The following NLRP14 variants were observed in gnomAD, a reference collection of about 807,000 sequenced individuals.
NLRP14 encodes the protein NACHT, LRR and PYD domains-containing protein 14.
NLRP14 carries 105 observed loss-of-function variants against 94.7 expected under a neutral mutation model. The observed-to-expected ratio is 1.11, with a 90% CI of 0.95 to 1.30. The LOEUF (loss-of-function observed/expected upper bound fraction) is 1.30, where lower values mean the gene tolerates loss of function less well. Among genes scored for constraint, NLRP14 ranks in the 50% most tolerant of loss-of-function variants. The probability of loss-of-function intolerance (pLI) is 0.00; values close to 1 mark genes in which losing one functional copy is unlikely to be tolerated. For missense variants in NLRP14, 1,362 were observed against 1,254.1 expected, an observed-to-expected ratio of 1.09 and a Z score of -1.30; for synonymous variants, 508 against 459.9, an observed-to-expected ratio of 1.10 and a Z score of -1.34.
the NLRP14 span, among the ~76,000 whole-genome samples, chr11:7,076,740 TG>T: frequency 1.3e-5 from 2 of 152,222 alleles, no homozygotes; most frequent in African/African-American, 2.4e-5. Context: ...TCCCATCGCT[TG>T]TCTCCCTCAT....
At chr11:7,055,283 CCT>C (rs2119667386) in intron 6 of NLRP14, among the ~76,000 whole-genome samples, 1 of 152,186 alleles carries the variant, frequency 6.6e-6, no homozygotes, top group African/African-American at 2.4e-5. Flanking sequence ...CAATATCATT[CCT>C]CTGTCACCTG....
At chr11:7,089,113 C>G in the NLRP14 span, 7 of 1,612,602 alleles carry the variant, frequency 4.3e-6, no homozygotes, top group Admixed American at 1.7e-5. Context: ...ACCGTTCGAC[C>G]GGCAAACATG....
the NLRP14 span, chr11:7,089,817 C>T: frequency 9.9e-5 from 159 of 1,607,714 alleles, no homozygotes; most frequent in Non-Finnish European, 1.3e-4. Flanking sequence ...GGGTTTTGCC[C>T]CCTCGCCCGG....
intron 9 of NLRP14, among the ~76,000 whole-genome samples, chr11:7,060,944 G>A (rs1212506410): frequency 1.3e-5 from 2 of 151,880 alleles, no homozygotes; most frequent in African/African-American, 4.8e-5. Flanking sequence ...GTATTTCATT[G>A]CATAAATACT....
At chr11:7,076,444 T>C (rs1036114346), downstream of NLRP14, among the ~76,000 whole-genome samples, 19 of 152,344 alleles carry the variant, frequency 1.2e-4, no homozygotes, top group Admixed American at 1.0e-3. Context: ...TATGCTAACT[T>C]CTTAAGTTGG....
rs771538489 is a variant in NLRP14 at position 7,042,790 on chromosome 11, T to C, written c.764T>C (p.Leu255Ser). The C allele has an allele frequency of 1.2e-6, 2 of 1,614,198 alleles. No homozygotes were observed. The highest frequency in any genetic ancestry group is 2.2e-5 in the South Asian group (2 of 91,082). The change falls in exon 4 of 12, where the codon TTG becomes TCG. Residue 255 changes from leucine to serine, a missense_variant. By Grantham distance (145) the Leu-to-Ser change is moderately radical. Coordinates refer to ENST00000299481, the MANE Select transcript of NLRP14 (RefSeq NM_176822.4). The stretch of plus-strand genomic sequence containing the variant: ...ATCATGTACCAGCCAAGTAGCCTCT[T>C]GTTTATTATTGACAGTTTCGATGAA... ...EEIMYQPSSL[L>S]FIIDSFDELN... is the part of the protein sequence containing the mutation.
At chr11:7,062,948 A>G (rs1852648239) in intron 10 of NLRP14, among the ~76,000 whole-genome samples, 1 of 152,022 alleles carries the variant, frequency 6.6e-6, no homozygotes, top group African/African-American at 2.4e-5. Flanking sequence ...TTTTTATTTA[A>G]TTTTGAACTG....
At chr11:7,048,707 C>G (rs928156649) in intron 5 of NLRP14, among the ~76,000 whole-genome samples, 1 of 152,132 alleles carries the variant, frequency 6.6e-6, no homozygotes, top group African/African-American at 2.4e-5. Flanking sequence ...ACATTTCCCC[C>G]ATATTGTCCC....
chr11:7,037,410 C>CT (rs35181599), intron 1 of NLRP14, among the ~76,000 whole-genome samples: 8 of 151,944 alleles, frequency 5.3e-5, no homozygotes, highest in East Asian at 3.9e-4. Context: ...CCCCATCCGT[C>CT]TTTTTTTTCC....
the NLRP14 span, among the ~76,000 whole-genome samples, chr11:7,088,658 T>C: frequency 4.1e-5 from 6 of 147,960 alleles, no homozygotes; most frequent in Non-Finnish European, 7.4e-5. Flanking sequence ...TTTTCAATAA[T>C]TGAAAAATGA....
At chr11:7,040,472 C>T (rs113817776) in intron 3 of NLRP14, among the ~76,000 whole-genome samples, 2,950 of 152,214 alleles carry the variant, frequency 0.019, 63 homozygotes, top group Non-Finnish European at 0.033. Context: ...AATCATCTCC[C>T]CTCCCTGCCC....
At chr11:7,050,830 G>T (rs1852432364) in intron 6 of NLRP14, among the ~76,000 whole-genome samples, 1 of 152,186 alleles carries the variant, frequency 6.6e-6, no homozygotes, top group Non-Finnish European at 1.5e-5. Flanking sequence ...TACCTACTAA[G>T]CAGTTTTAAG....
At chr11:7,036,481 G>C (rs1852164558) in intron 1 of NLRP14, among the ~76,000 whole-genome samples, 1 of 152,132 alleles carries the variant, frequency 6.6e-6, no homozygotes, top group South Asian at 2.1e-4. Flanking sequence ...AAAAGTGTGG[G>C]ATTATGACAG....
At chr11:7,044,173 G>A (rs1852316539) in intron 4 of NLRP14, among the ~76,000 whole-genome samples, 189 bp downstream of exon 4, 1 of 152,102 alleles carries the variant, frequency 6.6e-6, no homozygotes, top group African/African-American at 2.4e-5. Flanking sequence ...TGAGGAGTGG[G>A]CAAAAACTTT....
chr11:7,085,593 T>C, the NLRP14 span, among the ~76,000 whole-genome samples: 1 of 152,242 alleles, frequency 6.6e-6, no homozygotes, highest in African/African-American at 2.4e-5. Context: ...TTATTATGTG[T>C]ATATAGAATA....
At chr11:7,026,450 A>G (rs1852014636) in intron 1 of NLRP14, among the ~76,000 whole-genome samples, 1 of 152,214 alleles carries the variant, frequency 6.6e-6, no homozygotes, top group Non-Finnish European at 1.5e-5. Flanking sequence ...TCAAAACCAC[A>G]GTGAGATACC....
intron 6 of NLRP14, among the ~76,000 whole-genome samples, chr11:7,054,710 G>C (rs1392532427): frequency 8.6e-5 from 13 of 152,006 alleles, no homozygotes; most frequent in African/African-American, 3.1e-4. Flanking sequence ...TTAGCCCCTT[G>C]TCAAATGGGT....
chr11:7,070,255 C>T, intron 10 of NLRP14, 31 bp from the exon 11 acceptor site: 1 of 1,547,688 alleles, frequency 6.5e-7, no homozygotes, highest in South Asian at 1.1e-5. Context: ...CGAATAAATT[C>T]ATTTTTATCT....
Position 7,042,878 on chromosome 11 carries a change from A to C in NLRP14, c.852A>C (p.Pro284=). 1 of 1,614,138 alleles carries C rather than the reference A, an allele frequency of 6.2e-7. No individual in the cohort carries two copies. The highest frequency in any genetic ancestry group is 8.5e-7 in the Non-Finnish European group (1 of 1,180,004). Residue 284 remains proline (P), a synonymous_variant, in exon 4 of 12, where the codon CCA becomes CCC. Coordinates refer to ENST00000299481, the MANE Select transcript of NLRP14 (RefSeq NM_176822.4). The stretch of plus-strand genomic sequence containing the variant: ...GCGAAGACTGGACCCAAGAACACCC[A>C]GTGTCCTTCCTCATGAGTAGTTTGC... ...ALCEDWTQEH[P]VSFLMSSLLR...
Sources: gnomAD v4.1 joint callset for allele counts (sites outside exome capture counted in the v4.1 genomes callset) on GRCh38, gnomAD v4.1.1 for gene constraint, MANE v1.5 for transcripts, NCBI Gene and HGNC (gene_info 2026-07-23, HGNC 2026-07-21) for gene names.